The following CCNF variants were observed in gnomAD, a reference collection of about 807,000 sequenced individuals.
CCNF encodes cyclin F.
In CCNF, 30 loss-of-function variants were observed where a neutral mutation model predicts 85.4. That is an observed-to-expected ratio of 0.35 (90% CI 0.26 to 0.48). The LOEUF (loss-of-function observed/expected upper bound fraction) is 0.48. Among genes scored for constraint, CCNF ranks in the 20% least tolerant of loss-of-function variants. The probability of loss-of-function intolerance (pLI) is 0.99; values close to 1 mark genes in which losing one functional copy is unlikely to be tolerated. For synonymous variants in CCNF, 439 were observed against 425.1 expected, an observed-to-expected ratio of 1.03 and a Z score of -0.40; for missense variants, 919 against 1,010.4, an observed-to-expected ratio of 0.91 and a Z score of 1.23.
At chr16:2,455,734 A>G (rs922374002) in intron 16 of CCNF, among the ~76,000 whole-genome samples, 170 bp downstream of exon 16, 1 of 152,014 alleles carries the variant, frequency 6.6e-6, no homozygotes, top group African/African-American at 2.4e-5. Flanking sequence ...ACATGGGGAG[A>G]GAGGAGGGGA....
At chr16:2,434,668 T>A (rs145370728) in intron 3 of CCNF, among the ~76,000 whole-genome samples, 1 of 152,358 alleles carries the variant, frequency 6.6e-6, no homozygotes, top group East Asian at 1.9e-4. Flanking sequence ...GTTTTTAGTA[T>A]ACTGAGAGTT....
rs1241822588 is a variant in CCNF at position 2,451,150 on chromosome 16, G to A, written c.1487+1235G>A. Among the ~76,000 whole-genome samples the A allele has an allele frequency of 6.6e-6, 1 of 152,246 alleles. No individual in the cohort carries two copies. The highest frequency in any genetic ancestry group is 1.5e-5 in the Non-Finnish European group (1 of 68,042). ...TGCAGTTCATGAAGTCCCTACCGTG[G>A]TCCAGGCGCTGGGGGAGAGGGCAGG... On this transcript the variant is annotated intron_variant, in intron 13 of 16. Transcript: ENST00000397066. This position sits in a 1 kb window ranked among gnomAD's most constrained non-coding sequence, Gnocchi z 4.3.
chr16:2,451,564 C>CT lies in CCNF; in HGVS notation c.1488-1638dup, dbSNP rs1033031558. 1.3e-5 allele frequency among the ~76,000 whole-genome samples: 2 copies of CT among 152,000 alleles called. No homozygotes were observed. The highest frequency in any genetic ancestry group is 2.1e-4 in the South Asian group (1 of 4,814). ...AATCCAGCAGACTCAGCGGTGTGGGCTTTTTTTTCCTTTTTTGAGTTGGGG... is the reference window on the plus strand; with the variant it reads ...AATCCAGCAGACTCAGCGGTGTGGGCTTTTTTTTTCCTTTTTTGAGTTGGGG... On this transcript the variant is annotated intron_variant, in intron 13 of 16. Transcript: ENST00000397066. The surrounding 1 kb of genome is among the most constrained non-coding windows in gnomAD (Gnocchi z 4.3).
chr16:2,431,778 C>G (rs2065264130), intron 2 of CCNF, among the ~76,000 whole-genome samples: 1 of 151,510 alleles, frequency 6.6e-6, no homozygotes, highest in Non-Finnish European at 1.5e-5. Flanking sequence ...ATTCCTACTG[C>G]TGTCTCCTAG....
At chr16:2,437,726 G>C (rs1476730925) in intron 5 of CCNF, 2 of 320,046 alleles carry the variant, frequency 6.2e-6, no homozygotes, top group East Asian at 6.1e-5. Context: ...TCGAAACCTC[G>C]TCTCTACAAA....
At chr16:2,447,789 C>T (rs151214953) in intron 10 of CCNF, among the ~76,000 whole-genome samples, 3 of 152,210 alleles carry the variant, frequency 2.0e-5, no homozygotes, top group African/African-American at 4.8e-5. Context: ...AGCTGCCCCC[C>T]ACCTCTGCTC....
chr16:2,455,975 C>T (rs983570310), intron 16 of CCNF, among the ~76,000 whole-genome samples: 1 of 152,164 alleles, frequency 6.6e-6, no homozygotes, highest in Admixed American at 6.5e-5. Flanking sequence ...AGTTCAAGAC[C>T]AGCCTGGGTG....
intron 2 of CCNF, 53 bp downstream of exon 2, chr16:2,431,337 C>G: frequency 6.3e-7 from 1 of 1,578,746 alleles, no homozygotes; most frequent in East Asian, 2.2e-5. Flanking sequence ...ATTATACCAT[C>G]AGGCCTTGTG....
chr16:2,445,977 GCC>G (rs1364995708), intron 10 of CCNF, among the ~76,000 whole-genome samples: 3 of 152,100 alleles, frequency 2.0e-5, no homozygotes, highest in Non-Finnish European at 4.4e-5. Flanking sequence ...TGATCCGCCC[GCC>G]TCAACCTCCC....
chr16:2,445,591 C>T lies in CCNF; in HGVS notation c.1063C>T (p.Leu355=), dbSNP rs763694348. 9 of 1,613,132 alleles carry T rather than the reference C, an allele frequency of 5.6e-6. No homozygotes were observed. The South Asian group carries it at 9.9e-5, about 18-fold the overall frequency. The part of the protein sequence containing the change: ...RLVPRYRLQL[L]GIACMVICTR... The stretch of plus-strand genomic sequence containing the variant: ...GGTGCCGCGGTACAGGCTCCAGCTG[C>T]TGGGCATCGCCTGCATGGTCATCTG... The change falls in exon 10 of 17, where the codon CTG becomes TTG. Residue 355 remains leucine, a synonymous_variant. Transcript: ENST00000397066.
rs769980414 is a variant in CCNF, at chr16:2,431,227, T to A, written c.114T>A (p.Asp38Glu). Residue 38 changes from aspartate to glutamate, a missense_variant, in exon 2 of 17, where the codon GAT becomes GAA. By Grantham distance (45) the Asp-to-Glu change is conservative (BLOSUM62 2). This residue lies in a region of CCNF where 410 missense variants were observed against 478.6 expected (regional missense o/e 0.86). Coordinates refer to ENST00000397066, the MANE Select transcript of CCNF (RefSeq NM_001761.3). ...RNLTILSLPE[D>E]VLFHILKWLS... ...TGACCATCTTGAGTCTCCCCGAAGA[T>A]GTGCTCTTTCACATCCTGAAATGGC... The A allele has an allele frequency of 2.5e-6, 4 of 1,614,180 alleles. No homozygotes were observed. Among genetic ancestry groups the A allele is most frequent in the Non-Finnish European group, 3.4e-6 (4 of 1,180,024 alleles).
rs1424863242 is a variant in CCNF at position 2,449,371 on chromosome 16, G to A, written c.1308G>A (p.Glu436=). ...AGCACCTGTGCAGCTTCCTCTGCGA[G>A]CTCTCCCTGCTGCACACCAGCCTGT... ...RTQHLCSFLC[E]LSLLHTSLSA... Residue 436 remains glutamate, a synonymous_variant, in exon 12 of 17, where the codon GAG becomes GAA. Transcript: ENST00000397066. The A allele has an allele frequency of 1.9e-6, 3 of 1,613,162 alleles. No homozygotes were observed. The highest frequency in any genetic ancestry group is 4.5e-5 in the East Asian group (2 of 44,880).
At chr16:2,432,377 C>T (rs1200736104) in intron 2 of CCNF, among the ~76,000 whole-genome samples, 1 of 152,128 alleles carries the variant, frequency 6.6e-6, no homozygotes, top group Non-Finnish European at 1.5e-5. Context: ...ACCTCCATTG[C>T]AGGTGCGACA....
At chr16:2,431,108 C>T (rs367591984) in intron 1 of CCNF, 22 bp from the exon 2 acceptor site, 4 of 1,611,528 alleles carry the variant, frequency 2.5e-6, no homozygotes, top group Non-Finnish European at 3.4e-6. Flanking sequence ...CTTATCAAGG[C>T]TTCTGTCTTT....
chr16:2,443,525 A>C (rs2065343985), intron 8 of CCNF, 124 bp from the exon 9 acceptor site: 1 of 805,768 alleles, frequency 1.2e-6, no homozygotes, highest in South Asian at 1.9e-5. Context: ...AAGCTTGTGA[A>C]GGTTTAAGTT....
At position 2,452,157 on chromosome 16, in the gene CCNF, G is replaced by T. The variant is rs924398715; in HGVS notation, c.1488-1053G>T. Among the ~76,000 whole-genome samples the T allele has an allele frequency of 6.6e-6, 1 of 152,224 alleles. No homozygotes were observed. ...GTGGCAGCCGCCCCGCACATGTCCC[G>T]TGTACGTCACCCAGGGCCTCGCTGT... On this transcript the variant is annotated intron_variant, in intron 13 of 16. Transcript: ENST00000397066. This position sits in a 1 kb window ranked among gnomAD's most constrained non-coding sequence, Gnocchi z 4.1.
intron 1 of CCNF, 99 bp from the exon 2 acceptor site, chr16:2,431,031 A>G (rs1403921224): frequency 2.5e-6 from 3 of 1,213,352 alleles, no homozygotes. Flanking sequence ...CCATTAGATC[A>G]TCTTCAGATG....
At position 2,452,375 on chromosome 16, in the gene CCNF, G is replaced by C. The variant is rs1596930576; in HGVS notation, c.1488-835G>C. ...GCAGTGCCCGGACCCTGTGCCTTCT[G>C]GGCAAGGAACGAGGCTGACAGTAGA... On this transcript the variant is annotated intron_variant, in intron 13 of 16. Coordinates refer to ENST00000397066, the MANE Select transcript of CCNF (RefSeq NM_001761.3). This position sits in a 1 kb window ranked among gnomAD's most constrained non-coding sequence, Gnocchi z 4.1. Among the ~76,000 whole-genome samples the C allele has an allele frequency of 6.6e-6, 1 of 152,128 alleles. No homozygotes were observed. The highest frequency in any genetic ancestry group is 2.4e-5 in the African/African-American group (1 of 41,412).
rs1249641173 is a variant in CCNF, at chr16:2,458,293, T to C, written c.*1273T>C. 6.7e-6 allele frequency: 1 copy of C among 150,090 alleles called. No homozygotes were observed. Among genetic ancestry groups the C allele is most frequent in the East Asian group, 1.9e-4 (1 of 5,182 alleles). The allele number at this position is 150,090 out of a possible 1,614,324, so 9.3% of individuals were successfully genotyped here. A position where few individuals can be genotyped will look rare whatever the true frequency, so the allele number is the denominator to read the frequency against. ...TTTTGGAGACAGTTTTGCTCTTGTC[T>C]CCCCGGCTGGAGTGCAGTGGCATGA... is the stretch of plus-strand genomic sequence containing the variant. On this transcript the variant is annotated 3_prime_UTR_variant, in exon 17 of 17. Coordinates refer to ENST00000397066, the MANE Select transcript of CCNF (RefSeq NM_001761.3).
Sources: gnomAD v4.1 joint callset for allele counts (sites outside exome capture counted in the v4.1 genomes callset) on GRCh38, gnomAD v4.1.1 for gene constraint, gnomAD v4.1.1 regional missense constraint, Gnocchi (gnomAD v3.1) non-coding constraint, MANE v1.5 for transcripts, NCBI Gene and HGNC (gene_info 2026-07-23, HGNC 2026-07-21) for gene names.